Variants in CDK12 observed in about 807,000 individuals in gnomAD.
CDK12 encodes the protein cyclin dependent kinase 12, also known as cyclin-dependent kinase 12.
Under a neutral mutation model 133.8 loss-of-function variants are expected in CDK12, and 17 were observed. The observed-to-expected ratio is 0.13, with a 90% confidence interval of 0.09 to 0.19. The LOEUF (loss-of-function observed/expected upper bound fraction) is 0.19, where lower values mean the gene tolerates loss of function less well. Among genes scored for constraint, CDK12 ranks in the 10% least tolerant of loss-of-function variants. The pLI, the probability that CDK12 is intolerant of heterozygous loss-of-function variation, is 1.00. For synonymous variants in CDK12, 694 were observed against 683.6 expected, an observed-to-expected ratio of 1.02 and a Z score of -0.24; for missense variants, 1,508 against 1,818.7, an observed-to-expected ratio of 0.83 and a Z score of 3.11.
At chr17:39,513,451 A>G (rs7503705) in intron 8 of CDK12, among the ~76,000 whole-genome samples, 95,909 of 152,086 alleles carry the variant, frequency 0.63, 32,967 homozygotes, top group South Asian at 0.89. Flanking sequence ...GTTAAATTTT[A>G]CTGACTCAAG....
downstream of CDK12, among the ~76,000 whole-genome samples, chr17:39,538,295 A>G (rs981534263): frequency 6.6e-6 from 1 of 152,244 alleles, no homozygotes. Context: ...AGAGACTAGT[A>G]GTATTCCTCT....
chr17:39,542,657 T>C lies in CDK12; in HGVS notation c.451-1592T>C, dbSNP rs2055485195. Among the ~76,000 whole-genome samples, 4 of 151,690 alleles carry C rather than the reference T, an allele frequency of 2.6e-5. No individual in the cohort carries two copies. In the South Asian group the frequency reaches 8.3e-4, roughly 32 times the overall value. On this transcript the variant is annotated intron_variant and NMD_transcript_variant, in intron 1 of 4. Transcript: ENST00000559663. Reference sequence around the variant, plus strand: ...TCCCAAGTAGCTGGGATTACAGGCATGTGCCACCATGCCCGGCTAATTTTG... The same window carrying C: ...TCCCAAGTAGCTGGGATTACAGGCACGTGCCACCATGCCCGGCTAATTTTG...
chr17:39,560,033 G>A (rs1226523091), intron 3 of CDK12, among the ~76,000 whole-genome samples: 1 of 152,186 alleles, frequency 6.6e-6, no homozygotes, highest in African/African-American at 2.4e-5. Context: ...CTAGCCGCAA[G>A]CAGTGTTTCT....
At chr17:39,514,080 G>C (rs2053649975) in intron 8 of CDK12, among the ~76,000 whole-genome samples, 1 of 151,638 alleles carries the variant, frequency 6.6e-6, no homozygotes. Context: ...TCTTTTTATA[G>C]AGTTGGGATC....
rs2146510905 is a variant in CDK12, at chr17:39,517,505, C to T, written c.2912C>T (p.Thr971Ile). The T allele has an allele frequency of 6.2e-7, 1 of 1,613,504 alleles. No individual in the cohort carries two copies. The highest frequency in any genetic ancestry group is 8.5e-7 in the Non-Finnish European group (1 of 1,179,462). ...GTTATCAAACTGCCCTACTTCAACA[C>T]CATGAAACCGAAGAAGCAATATCGA... ...PDVIKLPYFN[T>I]MKPKKQYRRR... Residue 971 changes from threonine to isoleucine, a missense_variant, in exon 10 of 14, where the codon ACC becomes ATC. Transcript: ENST00000447079.
downstream of CDK12, among the ~76,000 whole-genome samples, chr17:39,538,904 A>ATACATACATAC (rs1555582809): frequency 6.9e-6 from 1 of 144,886 alleles, no homozygotes; most frequent in Non-Finnish European, 1.5e-5. Flanking sequence ...ATCTCAAATA[A>ATACATACATAC]ATACATACAT....
chr17:39,470,386 G>A (rs2049703473), intron 1 of CDK12, among the ~76,000 whole-genome samples: 1 of 152,132 alleles, frequency 6.6e-6, no homozygotes, highest in South Asian at 2.1e-4. Flanking sequence ...CTCCCAAAGT[G>A]CTGAGATTAC....
In CDK12 at chr17:39,530,787, A is replaced by G. The variant is rs750728817; in HGVS notation, c.3944A>G (p.His1315Arg). 8 of 1,613,754 alleles carry G rather than the reference A, an allele frequency of 5.0e-6. No individual in the cohort carries two copies. The highest frequency in any genetic ancestry group is 1.1e-5 in the South Asian group (1 of 91,084). The change falls in exon 14 of 14, where the codon CAC (histidine) becomes CGC (arginine). Residue 1315 changes from histidine (H) to arginine (R), a missense_variant. His to Arg is a conservative substitution (Grantham distance 29). Coordinates refer to ENST00000447079, the MANE Select transcript of CDK12 (RefSeq NM_016507.4). ...LSQPEAEPPG[H>R]LPHEHQALRP... ...CAGCCTGAAGCAGAGCCTCCTGGCC[A>G]CCTGCCACATGAGCACCAGGCCTTG...
intron 2 of CDK12, among the ~76,000 whole-genome samples, chr17:39,555,876 CACACACACAA>C (rs1465915967): frequency 1.8e-4 from 18 of 102,844 alleles, no homozygotes; most frequent in African/African-American, 5.6e-4. Context: ...CACACACACA[CACACACACAA>C]AGCCAGGTGT....
At chr17:39,566,003 G>A (rs2056561913), downstream of CDK12, among the ~76,000 whole-genome samples, 1 of 152,106 alleles carries the variant, frequency 6.6e-6, no homozygotes, top group Non-Finnish European at 1.5e-5. Flanking sequence ...AGGAGACTTG[G>A]ATTTAGTCAC....
chr17:39,503,525 G>A (rs1419864216), intron 6 of CDK12, among the ~76,000 whole-genome samples: 1 of 151,942 alleles, frequency 6.6e-6, no homozygotes, highest in Non-Finnish European at 1.5e-5. Flanking sequence ...ACTTTCTGCT[G>A]TTCCCTTTAC....
intron 2 of CDK12, among the ~76,000 whole-genome samples, chr17:39,554,762 C>T (rs2144346986): frequency 6.6e-6 from 1 of 152,200 alleles, no homozygotes; most frequent in African/African-American, 2.4e-5. Flanking sequence ...ACCTGTAGTC[C>T]CAGCTACTCA....
At chr17:39,545,170 T>C (rs1366638501), upstream of CDK12, among the ~76,000 whole-genome samples, 2 of 152,052 alleles carry the variant, frequency 1.3e-5, no homozygotes, top group Non-Finnish European at 2.9e-5. Flanking sequence ...AGCCCTCTCC[T>C]CCAGGGCAGC....
chr17:39,476,968 G>A (rs1321557438), intron 2 of CDK12, among the ~76,000 whole-genome samples: 1 of 151,010 alleles, frequency 6.6e-6, no homozygotes, highest in African/African-American at 2.4e-5. Context: ...CCTGCCTCGG[G>A]CTTCCAACGT....
chr17:39,515,914 C>A, intron 9 of CDK12, 106 bp downstream of exon 9: 1 of 684,672 alleles, frequency 1.5e-6, no homozygotes. Flanking sequence ...TTTCTTATGT[C>A]CAAGTAAGTT....
chr17:39,522,465 C>G (rs1253829573), intron 11 of CDK12, among the ~76,000 whole-genome samples: 3 of 150,920 alleles, frequency 2.0e-5, no homozygotes, highest in African/African-American at 7.3e-5. Context: ...CAGGGTCTCT[C>G]ACTCTGTCAC....
intron 2 of CDK12, among the ~76,000 whole-genome samples, chr17:39,486,633 G>A (rs540212632): frequency 6.6e-6 from 1 of 152,174 alleles, no homozygotes; most frequent in African/African-American, 2.4e-5. Context: ...GAGGAATTGA[G>A]ATTTGTAAAG....
chr17:39,554,594 A>G (rs1165964253), intron 2 of CDK12, among the ~76,000 whole-genome samples: 2 of 152,170 alleles, frequency 1.3e-5, no homozygotes, highest in Non-Finnish European at 2.9e-5. Context: ...AGTAACAGCT[A>G]GGATAGCCGG....
In CDK12 at chr17:39,526,282, A is replaced by G; in HGVS notation, c.3726A>G (p.Arg1242=). The G allele has an allele frequency of 1.2e-6, 2 of 1,601,402 alleles. No individual in the cohort carries two copies. The highest frequency in any genetic ancestry group is 1.3e-5 in the African/African-American group (1 of 74,886). ...SDKNSGPQGP[R]RTPTMPQEEA... is the part of the protein sequence containing the mutation. ...AGAACAGTGGGCCACAGGGGCCCCG[A>G]AGAACTCCCACAATGCCACAGGAGG... The change falls in exon 13 of 14, where the codon CGA becomes CGG. Residue 1242 remains arginine (R), a synonymous_variant. Coordinates refer to ENST00000447079, the MANE Select transcript of CDK12 (RefSeq NM_016507.4).
Sources: allele counts gnomAD v4.1 joint callset (sites outside exome capture counted in the v4.1 genomes callset), GRCh38; gene constraint gnomAD v4.1.1; transcripts MANE v1.5; gene names NCBI Gene and HGNC (gene_info 2026-07-23, HGNC 2026-07-21).